Variants in DOCK1 observed in about 807,000 individuals in gnomAD.
DOCK1 encodes the protein dedicator of cytokinesis 1, also known as dedicator of cytokinesis protein 1.
Under a neutral mutation model 262.7 loss-of-function variants are expected in DOCK1, and 138 were observed. That is an observed-to-expected ratio of 0.53 (90% confidence interval 0.46 to 0.61). The LOEUF (loss-of-function observed/expected upper bound fraction) is 0.61. Among genes scored for constraint, DOCK1 ranks in the 20% least tolerant of loss-of-function variants. DOCK1 has a pLI of 0.00. For synonymous variants in DOCK1, 866 were observed against 867.4 expected (o/e 1.00, Z 0.03); for missense variants, 1,908 against 2,370.7 (o/e 0.80, Z 4.05).
intron 1 of DOCK1, among the ~76,000 whole-genome samples, chr10:126,945,524 CTG>C (rs2035333244): frequency 6.6e-6 from 1 of 151,906 alleles, no homozygotes; most frequent in African/African-American, 2.4e-5. Context: ...CCTTTTGTAA[CTG>C]AATCATGGAA....
rs71941085 is a variant in DOCK1, at chr10:127,049,968, CTTTTTTTTTTTT to C, written c.2202-2701_2202-2690del. Among the ~76,000 whole-genome samples the C allele has an allele frequency of 4.0e-3, 399 of 100,086 alleles. 1 individual carries two copies. The highest frequency in any genetic ancestry group is 7.1e-3 in the Admixed American group (59 of 8,366). The allele number at this position is 100,086 out of a possible 152,430, so 65.7% of individuals were successfully genotyped here. The stretch of plus-strand genomic sequence containing the variant: ...AACAGCATAATGACAAAACTGGCCT[CTTTTTTTTTTTT>C]TTTTTTTTTTTACTATAGTGATGAG... On this transcript the variant is annotated intron_variant, in intron 21 of 51. Transcript: ENST00000623213.
intron 29 of DOCK1, among the ~76,000 whole-genome samples, chr10:127,316,426 C>CT (rs2062285168): frequency 6.6e-6 from 1 of 152,072 alleles, no homozygotes; most frequent in African/African-American, 2.4e-5. Flanking sequence ...AGTAACGTTG[C>CT]TTTTTTATTT....
chr10:126,971,767 A>G (rs932962736), intron 2 of DOCK1, among the ~76,000 whole-genome samples: 1 of 150,930 alleles, frequency 6.6e-6, no homozygotes, highest in Non-Finnish European at 1.5e-5. Flanking sequence ...TCTTCTTTTA[A>G]TGTCCTCACT....
intron 27 of DOCK1, among the ~76,000 whole-genome samples, chr10:127,247,641 A>G (rs1371982175): frequency 6.6e-6 from 1 of 152,170 alleles, no homozygotes; most frequent in African/African-American, 2.4e-5. Context: ...ATCAGGAAAC[A>G]CTTGAGGTAT....
At chr10:127,414,004 C>T (rs773958520) in intron 43 of DOCK1, among the ~76,000 whole-genome samples, 22 of 152,082 alleles carry the variant, frequency 1.4e-4, no homozygotes, top group Non-Finnish European at 2.5e-4. Flanking sequence ...CTCCGCCTCC[C>T]GAGTTCAAGC....
In DOCK1 at chr10:127,447,280, G is replaced by T. The variant is rs967404561; in HGVS notation, c.5414-114G>T. ...CTCTGTTGACAAACGTTTTCTGCCA[G>T]ATGAAGTGTTTCTGCTGTGCCTGCC... On this transcript the variant is annotated intron_variant, in intron 50 of 51. Transcript: ENST00000623213. 9.6e-6 allele frequency: 14 copies of T among 1,460,342 alleles called. No individual in the cohort carries two copies. In the African/African-American group the frequency reaches 1.4e-4, roughly 15 times the overall value. The allele number at this position is 1,460,342 out of a possible 1,614,324, so 90.5% of individuals were successfully genotyped here. A position where few individuals can be genotyped will look rare whatever the true frequency, so the allele number is the denominator to read the frequency against.
intron 27 of DOCK1, among the ~76,000 whole-genome samples, chr10:127,144,129 C>A (rs1254033992): frequency 6.6e-6 from 1 of 152,170 alleles, no homozygotes; most frequent in Non-Finnish European, 1.5e-5. Flanking sequence ...TCCTCCTTGG[C>A]CATTGAAACA....
intron 1 of DOCK1, among the ~76,000 whole-genome samples, chr10:126,955,637 C>T (rs997944929): frequency 6.6e-6 from 1 of 152,096 alleles, no homozygotes; most frequent in African/African-American, 2.4e-5. Context: ...AGGCCCAGAT[C>T]TGGGGCAGAG....
rs770667042 is a variant in DOCK1, at chr10:127,343,757, A to T, written c.3224+11A>T. 5.0e-6 allele frequency: 8 copies of T among 1,587,834 alleles called. No individual in the cohort carries two copies. The highest frequency in any genetic ancestry group is 3.5e-5 in the Admixed American group (2 of 56,466). On this transcript the variant is annotated intron_variant, in intron 31 of 51. Coordinates refer to ENST00000623213, the MANE Select transcript of DOCK1 (RefSeq NM_001290223.2). Reference sequence around the variant, plus strand: ...CAAAATCCTTAACAAGTAAGTTCTCATCTAGCTCTGAAACTGCAGGCAGGA... The same window carrying T: ...CAAAATCCTTAACAAGTAAGTTCTCTTCTAGCTCTGAAACTGCAGGCAGGA...
chr10:126,998,007 A>G lies in DOCK1; in HGVS notation c.610-85A>G, dbSNP rs2040332247. 3 of 1,532,996 alleles carry G rather than the reference A, an allele frequency of 2.0e-6. No homozygotes were observed. In the Admixed American group the frequency reaches 5.9e-5, roughly 30 times the overall value. 95.0% of individuals were successfully genotyped at this position (1,532,996 alleles called of 1,614,324 possible). A position where few individuals can be genotyped will look rare whatever the true frequency, so the allele number is the denominator to read the frequency against. ...TGGGTTATGCCAATGAGTTATTACA[A>G]TTTTCTATTCTGTAGGGAATAAAGA... On this transcript the variant is annotated intron_variant, in intron 7 of 51. Coordinates refer to ENST00000623213, the MANE Select transcript of DOCK1 (RefSeq NM_001290223.2).
chr10:127,179,918 A>T (rs2055564457), intron 27 of DOCK1, among the ~76,000 whole-genome samples: 2 of 152,180 alleles, frequency 1.3e-5, no homozygotes, highest in Non-Finnish European at 1.5e-5. Context: ...TTTGATCCTC[A>T]TCATATCCTT....
At chr10:127,403,486 G>T (rs750047049) in intron 39 of DOCK1, among the ~76,000 whole-genome samples, 3 of 152,210 alleles carry the variant, frequency 2.0e-5, no homozygotes, top group African/African-American at 7.2e-5. Flanking sequence ...CAGGCCAGGC[G>T]CACTGGCTCA....
intron 1 of DOCK1, among the ~76,000 whole-genome samples, chr10:126,937,239 C>T (rs948750954): frequency 3.9e-5 from 6 of 152,300 alleles, no homozygotes; most frequent in East Asian, 3.9e-4. Flanking sequence ...CCATTGCCAA[C>T]GGATACTTGG....
At chr10:127,376,210 G>A (rs2065480372) in intron 35 of DOCK1, among the ~76,000 whole-genome samples, 1 of 152,206 alleles carries the variant, frequency 6.6e-6, no homozygotes, top group Non-Finnish European at 1.5e-5. Context: ...AAGAAGGTGG[G>A]TAAACTACGT....
intron 12 of DOCK1, among the ~76,000 whole-genome samples, chr10:127,017,126 A>ACACAC (rs2042021225): frequency 8.6e-6 from 1 of 116,378 alleles, no homozygotes; most frequent in Admixed American, 8.6e-5. Context: ...ACACCATAAA[A>ACACAC]ACAGACATAC....
intron 27 of DOCK1, among the ~76,000 whole-genome samples, chr10:127,185,763 A>G (rs966944473): frequency 1.1e-4 from 17 of 152,150 alleles, no homozygotes; most frequent in African/African-American, 4.1e-4. Context: ...TGGCATGACT[A>G]CCTTGAGTGG....
At chr10:127,408,407 C>T (rs116841730) in intron 40 of DOCK1, among the ~76,000 whole-genome samples, 2 of 152,332 alleles carry the variant, frequency 1.3e-5, no homozygotes, top group Non-Finnish European at 2.9e-5. Flanking sequence ...AAGTCCTGCT[C>T]TCCGTCCATC....
chr10:127,402,904 G>T (rs750303358), intron 38 of DOCK1, 151 bp from the exon 39 acceptor site: 2 of 811,460 alleles, frequency 2.5e-6, no homozygotes, highest in Non-Finnish European at 3.9e-6. Flanking sequence ...TGAGACTCAA[G>T]AAAATATTTG....
intron 27 of DOCK1, among the ~76,000 whole-genome samples, chr10:127,171,864 C>T (rs534087407): frequency 3.3e-5 from 5 of 152,170 alleles, no homozygotes; most frequent in South Asian, 2.1e-4. Flanking sequence ...CCACCACGCC[C>T]GACTAATGTT....
Sources: gnomAD v4.1 joint callset for allele counts (sites outside exome capture counted in the v4.1 genomes callset) on GRCh38, gnomAD v4.1.1 for gene constraint, MANE v1.5 for transcripts, NCBI Gene and HGNC (gene_info 2026-07-23, HGNC 2026-07-21) for gene names.